Variants in TNS1 observed in about 807,000 individuals in gnomAD.
The protein encoded by TNS1 is tensin-1.
Under a neutral mutation model 168.6 loss-of-function variants are expected in TNS1, and 62 were observed. That is an observed-to-expected ratio of 0.37 (90% CI 0.30 to 0.45). The LOEUF (loss-of-function observed/expected upper bound fraction) is 0.45, where lower values mean the gene tolerates loss of function less well. TNS1 is among the 20% of genes least tolerant of loss of function. The pLI is 1.00. For synonymous variants in TNS1, 934 were observed against 933.2 expected (o/e 1.00, Z -0.02); for missense variants, 2,240 against 2,339.4 (o/e 0.96, Z 0.88).
In TNS1 at chr2:217,890,954, A is replaced by G; in HGVS notation, c.866+8T>C. 6.2e-7 allele frequency: 1 copy of G among 1,614,172 alleles called. No individual in the cohort carries two copies. The highest frequency in any genetic ancestry group is 8.5e-7 in the Non-Finnish European group (1 of 1,179,992). ...ACATGCAAGGGGCTGTGAGCCCCAG[A>G]GACCCACCTTCTTTGGGATGGCTGG... On this transcript the variant is annotated splice_region_variant and intron_variant, in intron 12 of 32. Transcript: ENST00000682258.
chr2:217,940,198 G>A (rs561849092), intron 3 of TNS1, among the ~76,000 whole-genome samples: 23 of 152,338 alleles, frequency 1.5e-4, no homozygotes, highest in South Asian at 1.2e-3. Flanking sequence ...TAGTAAGGGG[G>A]ACAAAGTCTA....
At position 217,986,013 on chromosome 2, in the gene TNS1, C is replaced by T. The variant is rs1958184911; in HGVS notation, c.148+4929G>A. Among the ~76,000 whole-genome samples the T allele has an allele frequency of 6.6e-6, 1 of 152,200 alleles. No individual in the cohort carries two copies. The highest frequency in any genetic ancestry group is 1.5e-5 in the Non-Finnish European group (1 of 68,024). ...CAAAAACCTTACAGCTCCTTCAGAA[C>T]ACAGTTTAGAGCCTCTAATCTCATT... is the stretch of plus-strand genomic sequence containing the variant. On this transcript the variant is annotated intron_variant, in intron 2 of 32. Transcript: ENST00000682258. This position sits in a 1 kb window ranked among gnomAD's most constrained non-coding sequence, Gnocchi z 4.7.
chr2:217,844,108 A>T (rs979372547), intron 19 of TNS1, among the ~76,000 whole-genome samples: 3 of 152,038 alleles, frequency 2.0e-5, no homozygotes, highest in African/African-American at 7.3e-5. Context: ...ATCATTTTTG[A>T]TGATCCTTCT....
chr2:217,887,369 C>T lies in TNS1; in HGVS notation c.867-723G>A, dbSNP rs1222057109. 3.3e-5 allele frequency among the ~76,000 whole-genome samples: 5 copies of T among 152,234 alleles called. No individual in the cohort carries two copies. In the South Asian group the frequency reaches 6.2e-4, roughly 19 times the overall value. On this transcript the variant is annotated intron_variant, in intron 12 of 32. Transcript: ENST00000682258. ...TGTTGCCCAGGCTGGAGTGCAATGG[C>T]GCAATCTCGGCTCACCGCAACCTCT...
chr2:217,956,082 G>A (rs1380496768), intron 3 of TNS1, among the ~76,000 whole-genome samples: 2 of 152,182 alleles, frequency 1.3e-5, no homozygotes, highest in African/African-American at 4.8e-5. Context: ...TGGGAGCTGT[G>A]AAGTCAGAGA....
At chr2:217,896,329 T>C (rs1156797974) in intron 8 of TNS1, among the ~76,000 whole-genome samples, 5 of 152,178 alleles carry the variant, frequency 3.3e-5, no homozygotes, top group Admixed American at 6.5e-5. Flanking sequence ...ACAACCTTAT[T>C]TGGAAATAGT....
At chr2:218,020,443 C>A (rs920918127) in intron 1 of TNS1, among the ~76,000 whole-genome samples, 1 of 151,808 alleles carries the variant, frequency 6.6e-6, no homozygotes, top group African/African-American at 2.4e-5. Context: ...ATTCTGGGAG[C>A]CGGGGAGTGA....
chr2:217,811,236 C>G (rs570618256), intron 28 of TNS1, among the ~76,000 whole-genome samples: 2 of 152,050 alleles, frequency 1.3e-5, no homozygotes, highest in African/African-American at 2.4e-5. Context: ...GGTCTAGGCC[C>G]ATACTTTGAA....
intron 2 of TNS1, 40 bp from the exon 3 acceptor site, chr2:217,978,842 G>A: frequency 2.8e-6 from 2 of 702,122 alleles, no homozygotes; most frequent in Non-Finnish European, 2.6e-6. Context: ...TTTTAGCCGC[G>A]AGGTATGAAA....
chr2:217,876,691 G>T (rs961793329), intron 18 of TNS1, among the ~76,000 whole-genome samples: 1 of 152,094 alleles, frequency 6.6e-6, no homozygotes, highest in Non-Finnish European at 1.5e-5. Context: ...CAATTAAGGT[G>T]AAAAGAGATC....
intron 31 of TNS1, 76 bp downstream of exon 31, chr2:217,808,527 A>C (rs1480798730): frequency 4.5e-6 from 6 of 1,329,278 alleles, no homozygotes; most frequent in Non-Finnish European, 4.3e-6. Context: ...ACACACACAC[A>C]TGCACATGCA....
chr2:217,888,323 C>A (rs1158175807), intron 12 of TNS1, among the ~76,000 whole-genome samples: 4 of 152,138 alleles, frequency 2.6e-5, no homozygotes, highest in African/African-American at 4.8e-5. Flanking sequence ...CCATTCCCTG[C>A]AAGTGACACT....
rs1274326289 is a variant in TNS1, at chr2:217,907,227, T to C, written c.253A>G (p.Lys85Glu). ...LVPITTENAP[K>E]NVVDKGEGAS... ...TCACTCACCTTGTCCACTACATTCT[T>C]TGGTGCATTCTCAGTGGTGATGGGC... Residue 85 changes from lysine to glutamate, a missense_variant, in exon 5 of 33, where the codon AAG (lysine) becomes GAG (glutamate). Transcript: ENST00000682258. 4.3e-6 allele frequency: 3 copies of C among 703,152 alleles called. No individual in the cohort carries two copies. The Admixed American group carries it at 6.0e-5, about 14-fold the overall frequency. The allele number at this position is 703,152 out of a possible 1,614,324, so 43.6% of individuals were successfully genotyped here.
chr2:217,826,576 A>G (rs2125239801), intron 22 of TNS1, among the ~76,000 whole-genome samples: 1 of 152,292 alleles, frequency 6.6e-6, no homozygotes, highest in East Asian at 1.9e-4. Context: ...TTCCAGGCCC[A>G]GTGTTCAGAA....
intron 17 of TNS1, chr2:217,881,805 G>A (rs539741777): frequency 6.6e-6 from 1 of 152,340 alleles, no homozygotes; most frequent in Non-Finnish European, 1.5e-5. Flanking sequence ...CTGTCAGGGT[G>A]AGTTACCTTC....
chr2:217,809,368 G>C (rs372440136), intron 30 of TNS1, among the ~76,000 whole-genome samples: 69 of 121,856 alleles, frequency 5.7e-4, no homozygotes, highest in Non-Finnish European at 7.4e-4. Flanking sequence ...TGGATGGATG[G>C]ATGGATGCAT....
intron 3 of TNS1, among the ~76,000 whole-genome samples, chr2:217,971,650 C>T (rs1040163142): frequency 3.3e-5 from 5 of 152,222 alleles, no homozygotes; most frequent in African/African-American, 9.6e-5. Flanking sequence ...AATGGCCAAA[C>T]TGTTTCTAGA....
chr2:217,849,125 C>T (rs771188642), intron 18 of TNS1, 38 bp from the exon 19 acceptor site: 2 of 1,578,412 alleles, frequency 1.3e-6, no homozygotes, highest in East Asian at 2.3e-5. Context: ...CAACAGACAA[C>T]AGACATTAGC....
chr2:217,886,985 C>G (rs1219870182), intron 12 of TNS1, among the ~76,000 whole-genome samples: 3 of 152,116 alleles, frequency 2.0e-5, no homozygotes, highest in Admixed American at 6.6e-5. Context: ...AAATTTCCAC[C>G]CCACATCCCT....
Sources: allele counts gnomAD v4.1 joint callset (sites outside exome capture counted in the v4.1 genomes callset), GRCh38; gene constraint gnomAD v4.1.1; non-coding constraint Gnocchi (gnomAD v3.1); transcripts MANE v1.5; gene names NCBI Gene and HGNC (gene_info 2026-07-23, HGNC 2026-07-21).